Variants in KLF12 observed in about 807,000 individuals in gnomAD.
KLF12 encodes the protein Krueppel-like factor 12.
A neutral mutation model predicts 37.8 loss-of-function variants in KLF12; 9 were observed. The ratio of observed to expected loss-of-function variants is 0.24; its 90% CI spans 0.14 to 0.42. The LOEUF is 0.42. Ranked by LOEUF, KLF12 falls within the 10% of genes least tolerant of loss-of-function variation. The probability of loss-of-function intolerance (pLI) is 1.00; values close to 1 mark genes in which losing one functional copy is unlikely to be tolerated. For missense variants in KLF12, 411 were observed against 516.0 expected, an observed-to-expected ratio of 0.80 and a Z score of 1.97; for synonymous variants, 208 against 202.1, an observed-to-expected ratio of 1.03 and a Z score of -0.25.
intron 5 of KLF12, among the ~76,000 whole-genome samples, chr13:73,765,384 G>T (rs1879842843): frequency 6.6e-6 from 1 of 152,130 alleles, no homozygotes; most frequent in Non-Finnish European, 1.5e-5. Context: ...TCCCATGAGG[G>T]TGGGCACAAA....
At chr13:74,215,427 C>CTTTTTTTTTTTTTTTTTTTTT in the KLF12 span, among the ~76,000 whole-genome samples, 1 of 60,384 alleles carries the variant, frequency 1.7e-5, no homozygotes, top group African/African-American at 5.8e-5. Flanking sequence ...CCTCTGGGTT[C>CTTTTTTTTTTTTTTTTTTTTT]TTTTTTTTTT....
the KLF12 span, among the ~76,000 whole-genome samples, chr13:74,275,799 T>TTTCC: frequency 0.011 from 790 of 71,934 alleles, 22 homozygotes; most frequent in Admixed American, 0.021. Context: ...TCTTTCTTTC[T>TTTCC]TTCTTTCCTT....
At chr13:73,872,465 A>ATC (rs1886517002) in intron 3 of KLF12, among the ~76,000 whole-genome samples, 2 of 152,222 alleles carry the variant, frequency 1.3e-5, no homozygotes, top group Non-Finnish European at 2.9e-5. Flanking sequence ...TGAGGGCAGA[A>ATC]TGTAAGGTGG....
intron 5 of KLF12, among the ~76,000 whole-genome samples, chr13:73,772,440 T>C (rs1205512416): frequency 1.3e-5 from 2 of 152,226 alleles, no homozygotes; most frequent in Admixed American, 6.5e-5. Context: ...TGCATCTGAA[T>C]TAAGCTTTGG....
At chr13:73,992,018 A>C (rs1352425962) in intron 2 of KLF12, among the ~76,000 whole-genome samples, 1 of 152,218 alleles carries the variant, frequency 6.6e-6, no homozygotes, top group Non-Finnish European at 1.5e-5. Context: ...CCCCACTGCT[A>C]ATGCTAGGTG....
At position 73,897,807 on chromosome 13, in the gene KLF12, T is replaced by C. The variant is rs148563729; in HGVS notation, c.123+46174A>G. Among the ~76,000 whole-genome samples, 977 of 152,350 alleles carry C rather than the reference T, an allele frequency of 6.4e-3. 3 individuals carry two copies. The highest frequency in any genetic ancestry group is 0.022 in the African/African-American group (901 of 41,572). On this transcript the variant is annotated intron_variant, in intron 3 of 7. Transcript: ENST00000377669. ...CAATCTTTCTAAAATACAAATCTAA[T>C]GATGCAATGCCTCTATTAAAAAATG... is the stretch of plus-strand genomic sequence containing the variant.
At chr13:74,216,056 G>A in the KLF12 span, among the ~76,000 whole-genome samples, 2 of 152,082 alleles carry the variant, frequency 1.3e-5, no homozygotes, top group African/African-American at 4.8e-5. Flanking sequence ...GTAGTAAGGG[G>A]CACATTCAGG....
chr13:73,894,385 C>T (rs929767884), intron 3 of KLF12, among the ~76,000 whole-genome samples: 42 of 152,102 alleles, frequency 2.8e-4, no homozygotes, highest in African/African-American at 1.0e-3. Flanking sequence ...TCTTTTGAGC[C>T]TGCAGGGATC....
intron 6 of KLF12, among the ~76,000 whole-genome samples, chr13:73,759,186 C>T (rs1365286069): frequency 6.6e-6 from 1 of 152,112 alleles, no homozygotes; most frequent in East Asian, 1.9e-4. Flanking sequence ...TTGGAGACAG[C>T]ATGCTTCCAA....
intron 1 of KLF12, among the ~76,000 whole-genome samples, chr13:74,023,670 G>GC (rs1472475752): frequency 6.6e-6 from 1 of 152,236 alleles, no homozygotes; most frequent in East Asian, 1.9e-4. Flanking sequence ...TGGATTAAAG[G>GC]CCACTCTACT....
chr13:74,268,952 G>A, the KLF12 span, among the ~76,000 whole-genome samples: 3 of 152,310 alleles, frequency 2.0e-5, no homozygotes, highest in East Asian at 5.8e-4. Context: ...AAGAAAAATA[G>A]AGTTGCTAGT....
the KLF12 span, among the ~76,000 whole-genome samples, chr13:74,205,892 A>G: frequency 6.6e-6 from 1 of 152,122 alleles, no homozygotes; most frequent in Non-Finnish European, 1.5e-5. Context: ...GATGAATATG[A>G]ACCCTGTCAG....
At chr13:74,155,656 C>A in the KLF12 span, among the ~76,000 whole-genome samples, 1 of 140,332 alleles carries the variant, frequency 7.1e-6, no homozygotes, top group Non-Finnish European at 1.6e-5. Context: ...AACCACCACG[C>A]CCAGCCTGTA....
chr13:74,063,757 GACT>G (rs1194239935), intron 1 of KLF12, among the ~76,000 whole-genome samples: 1 of 152,140 alleles, frequency 6.6e-6, no homozygotes, highest in Non-Finnish European at 1.5e-5. Flanking sequence ...TTCTGTATTA[GACT>G]ACCAAATTTT....
chr13:74,142,296 T>A, the KLF12 span, among the ~76,000 whole-genome samples: 1 of 152,208 alleles, frequency 6.6e-6, no homozygotes, highest in Non-Finnish European at 1.5e-5. Context: ...AAGTCACAAT[T>A]AAAAAGGCAA....
intron 1 of KLF12, among the ~76,000 whole-genome samples, chr13:74,093,928 C>A (rs1875823102): frequency 6.6e-6 from 1 of 151,362 alleles, no homozygotes; most frequent in Non-Finnish European, 1.5e-5. Context: ...GCTATTTTTC[C>A]CAACTATTTC....
At position 74,101,682 on chromosome 13, in the gene KLF12, G is replaced by A. The variant is rs1426154717; in HGVS notation, c.-32+32057C>T. 3.3e-5 allele frequency among the ~76,000 whole-genome samples: 5 copies of A among 152,168 alleles called. No homozygotes were observed. In the South Asian group the frequency reaches 8.3e-4, roughly 25 times the overall value. ...GTGTCTAAGAGACACAAGAGCCACC[G>A]TGGCTTGCATTCACCAAATATAGGA... is the stretch of plus-strand genomic sequence containing the variant. On this transcript the variant is annotated intron_variant, in intron 1 of 7. Coordinates refer to ENST00000377669, the MANE Select transcript of KLF12 (RefSeq NM_007249.5).
rs1878412761 is a variant in KLF12, at chr13:74,133,839, A to G, written c.-132T>C. 6.7e-6 allele frequency among the ~76,000 whole-genome samples: 1 copy of G among 149,986 alleles called. No homozygotes were observed. Among genetic ancestry groups the G allele is most frequent in the Non-Finnish European group, 1.5e-5 (1 of 67,644 alleles). ...CTCTCTCACACGCGCGCGCGCACAC[A>G]CACACACACACTCGCACACACACGG... is the stretch of plus-strand genomic sequence containing the variant. On this transcript the variant is annotated 5_prime_UTR_variant, in exon 1 of 8. Transcript: ENST00000377669.
chr13:74,042,852 G>C (rs1893443421), intron 1 of KLF12, among the ~76,000 whole-genome samples: 7 of 152,112 alleles, frequency 4.6e-5, no homozygotes, highest in Admixed American at 3.3e-4. Context: ...AATTAAAACA[G>C]ACAGCACAGT....
Sources: allele counts gnomAD v4.1 joint callset (sites outside exome capture counted in the v4.1 genomes callset), GRCh38; gene constraint gnomAD v4.1.1; transcripts MANE v1.5; gene names NCBI Gene and HGNC (gene_info 2026-07-23, HGNC 2026-07-21).